Variants in MYZAP observed in about 807,000 individuals in gnomAD.
MYZAP encodes GRINL1A complex locus upstream.
A neutral mutation model predicts 69.4 loss-of-function variants in MYZAP; 66 were observed. That is an observed-to-expected ratio of 0.95 (90% CI 0.78 to 1.17). The LOEUF (loss-of-function observed/expected upper bound fraction) is 1.17, where lower values mean the gene tolerates loss of function less well. Among genes scored for constraint, MYZAP ranks in the 50% most tolerant of loss-of-function variants. The probability of loss-of-function intolerance (pLI) is 0.00; values close to 1 mark genes in which losing one functional copy is unlikely to be tolerated. For missense variants in MYZAP, 611 were observed against 556.2 expected (o/e 1.10, Z -0.99); for synonymous variants, 256 against 205.9 (o/e 1.24, Z -2.09).
At chr15:57,608,593 A>G (rs1330072074) in intron 2 of MYZAP, among the ~76,000 whole-genome samples, 3 of 152,208 alleles carry the variant, frequency 2.0e-5, no homozygotes, top group African/African-American at 7.2e-5. Context: ...CAGCTTCCTC[A>G]TCTTTAAAGT....
At chr15:57,592,884 A>G (rs1292203574) in intron 1 of MYZAP, among the ~76,000 whole-genome samples, 1 of 152,238 alleles carries the variant, frequency 6.6e-6, no homozygotes, top group East Asian at 1.9e-4. Flanking sequence ...TCCATTTATC[A>G]TGATGTTCAA....
chr15:57,638,936 A>G (rs761909200), intron 9 of MYZAP, among the ~76,000 whole-genome samples: 1 of 152,202 alleles, frequency 6.6e-6, no homozygotes, highest in Non-Finnish European at 1.5e-5. Flanking sequence ...AGATCTGTAA[A>G]TGGTGCAAAA....
At chr15:57,617,938 A>G in intron 2 of MYZAP, 95 bp from the exon 3 acceptor site, 1 of 1,459,424 alleles carries the variant, frequency 6.9e-7, no homozygotes, top group Non-Finnish European at 9.1e-7. Context: ...TGCTGGGCAC[A>G]ATTTGCATAA....
At chr15:57,608,152 G>A (rs530518992) in intron 2 of MYZAP, among the ~76,000 whole-genome samples, 3 of 152,202 alleles carry the variant, frequency 2.0e-5, no homozygotes, top group Non-Finnish European at 4.4e-5. Flanking sequence ...GATTTCCAGG[G>A]CCCTGTTAGA....
intron 10 of MYZAP, among the ~76,000 whole-genome samples, chr15:57,652,869 G>A (rs191120584): frequency 5.6e-4 from 86 of 152,246 alleles, no homozygotes; most frequent in African/African-American, 9.9e-4. Flanking sequence ...TAACGTGATG[G>A]CATAAATTTC....
chr15:57,629,553 C>G, intron 5 of MYZAP, 149 bp from the exon 6 acceptor site: 1 of 1,131,020 alleles, frequency 8.8e-7, no homozygotes, highest in Non-Finnish European at 1.2e-6. Flanking sequence ...CCCACAGTCC[C>G]TCACAGCACA....
intron 5 of MYZAP, among the ~76,000 whole-genome samples, chr15:57,629,183 G>T (rs977531799): frequency 2.6e-5 from 4 of 151,628 alleles, no homozygotes; most frequent in African/African-American, 7.3e-5. Context: ...GTGGCAATTT[G>T]GGAAATACAG....
At chr15:57,597,683 T>C (rs1193789489) in intron 1 of MYZAP, among the ~76,000 whole-genome samples, 3 of 152,204 alleles carry the variant, frequency 2.0e-5, no homozygotes, top group Admixed American at 2.0e-4. Flanking sequence ...GCCTCTGAGC[T>C]AAGAATGGTT....
intron 10 of MYZAP, among the ~76,000 whole-genome samples, chr15:57,642,770 T>C (rs2037232929): frequency 7.1e-6 from 1 of 140,544 alleles, no homozygotes; most frequent in African/African-American, 2.7e-5. Context: ...CATTTTATCA[T>C]AGTAATAATA....
At chr15:57,634,463 C>G (rs2036694649) in intron 8 of MYZAP, among the ~76,000 whole-genome samples, 2 of 152,134 alleles carry the variant, frequency 1.3e-5, no homozygotes, top group Non-Finnish European at 2.9e-5. Flanking sequence ...AGAGCAGTGA[C>G]CTGCCAAGAC....
intron 8 of MYZAP, among the ~76,000 whole-genome samples, chr15:57,635,242 T>C: frequency 6.6e-6 from 1 of 152,182 alleles, no homozygotes; most frequent in South Asian, 2.1e-4. Flanking sequence ...CTTAGGGCTT[T>C]TGTGAGCAAT....
intron 12 of MYZAP, among the ~76,000 whole-genome samples, chr15:57,676,436 G>A (rs62000065): frequency 1.4e-3 from 28 of 20,068 alleles, no homozygotes; most frequent in South Asian, 0.013. Flanking sequence ...ATATATATAT[G>A]TATATATATA....
At chr15:57,679,730 C>G (rs1247303735) in intron 12 of MYZAP, among the ~76,000 whole-genome samples, 1 of 152,144 alleles carries the variant, frequency 6.6e-6, no homozygotes, top group East Asian at 1.9e-4. Context: ...CCGGTACTTT[C>G]TGCAAAGATT....
chr15:57,633,380 G>A (rs1204553400), intron 7 of MYZAP, among the ~76,000 whole-genome samples: 1 of 151,912 alleles, frequency 6.6e-6, no homozygotes, highest in Non-Finnish European at 1.5e-5. Flanking sequence ...AGACTTAAGG[G>A]AAAAAAGGGA....
At chr15:57,617,584 T>C (rs1450271946) in intron 2 of MYZAP, among the ~76,000 whole-genome samples, 1 of 152,182 alleles carries the variant, frequency 6.6e-6, no homozygotes, top group Non-Finnish European at 1.5e-5. Flanking sequence ...GGACCAGCCC[T>C]ACCCTCAGAG....
intron 10 of MYZAP, chr15:57,646,816 A>G (rs1231426591): frequency 3.0e-6 from 3 of 985,382 alleles, no homozygotes; most frequent in African/African-American, 3.5e-5. Flanking sequence ...GAATTGGTTC[A>G]ACCAACTTCA....
intron 1 of MYZAP, chr15:57,599,601 G>A (rs1278256987): frequency 2.3e-5 from 30 of 1,288,846 alleles, no homozygotes; most frequent in African/African-American, 3.0e-5. Context: ...GGAATAAAGT[G>A]CCCTACCTGC....
intron 10 of MYZAP, among the ~76,000 whole-genome samples, chr15:57,641,145 T>C (rs1216831162): frequency 6.6e-6 from 1 of 152,238 alleles, no homozygotes; most frequent in Admixed American, 6.5e-5. Context: ...TGTGTCATTC[T>C]TGTATCTAAT....
At chr15:57,646,144 C>T (rs1400180100) in intron 10 of MYZAP, 35 of 1,289,122 alleles carry the variant, frequency 2.7e-5, no homozygotes, top group Non-Finnish European at 3.1e-5. Flanking sequence ...CAGATCATGT[C>T]GCACGAGCTC....
Sources: gnomAD v4.1 joint callset for allele counts (sites outside exome capture counted in the v4.1 genomes callset) on GRCh38, gnomAD v4.1.1 for gene constraint, MANE v1.5 for transcripts, NCBI Gene and HGNC (gene_info 2026-07-23, HGNC 2026-07-21) for gene names.